KNTC1: variants seen among roughly 807,000 people sequenced by gnomAD.
KNTC1 encodes kinetochore associated 1, also known as kinetochore-associated protein 1.
A neutral mutation model predicts 314.4 loss-of-function variants in KNTC1; 253 were observed. That is an observed-to-expected ratio of 0.80 (90% confidence interval 0.73 to 0.89). The LOEUF is 0.89. KNTC1 is among the 40% of genes least tolerant of loss of function. KNTC1 has a pLI of 0.00. For synonymous variants in KNTC1, 901 were observed against 901.4 expected, an observed-to-expected ratio of 1.00 and a Z score of 0.01; for missense variants, 2,475 against 2,572.9, an observed-to-expected ratio of 0.96 and a Z score of 0.82.
chr12:122,598,219 A>G (rs530445607), intron 44 of KNTC1, among the ~76,000 whole-genome samples: 6 of 152,250 alleles, frequency 3.9e-5, no homozygotes, highest in Admixed American at 2.0e-4. Context: ...CAATTTCCCT[A>G]TAACTCCACT....
chr12:122,536,069 AT>A (rs753893106), intron 3 of KNTC1, among the ~76,000 whole-genome samples: 586 of 118,442 alleles, frequency 4.9e-3, no homozygotes, highest in Middle Eastern at 0.012. Flanking sequence ...AATTTTTTGT[AT>A]TTTTTTTTTT....
chr12:122,596,522 T>C lies in KNTC1; in HGVS notation c.4356-1209T>C, dbSNP rs1871077625. On this transcript the variant is annotated intron_variant, in intron 43 of 63. Transcript: ENST00000333479. ...GTGAATCACGTGCCCAGCCTGATTT[T>C]TTTTATCTTTAAAAAAAAAAAACAA... is the stretch of plus-strand genomic sequence containing the variant. Among the ~76,000 whole-genome samples, 12 of 151,900 alleles carry C rather than the reference T, an allele frequency of 7.9e-5. No individual in the cohort carries two copies. In the South Asian group the frequency reaches 2.5e-3, roughly 32 times the overall value.
chr12:122,589,776 ATTTTTTTTT>A (rs375169727), intron 40 of KNTC1, among the ~76,000 whole-genome samples: 1 of 94,594 alleles, frequency 1.1e-5, no homozygotes, highest in Admixed American at 1.3e-4. Flanking sequence ...GGGCCCCCCA[ATTTTTTTTT>A]TTTTTTTTTT....
intron 8 of KNTC1, 70 bp downstream of exon 8, chr12:122,544,339 G>T: frequency 2.7e-6 from 2 of 748,226 alleles, no homozygotes; most frequent in South Asian, 1.7e-5. Context: ...TTTTGTTTTG[G>T]TTAAATTGCA....
intron 51 of KNTC1, among the ~76,000 whole-genome samples, chr12:122,606,820 C>T (rs1279758981): frequency 6.6e-6 from 1 of 151,826 alleles, no homozygotes; most frequent in Admixed American, 6.6e-5. Flanking sequence ...GAGTAAATTG[C>T]ACGTGGCATG....
In KNTC1 at chr12:122,626,259, G is replaced by C; in HGVS notation, c.*31G>C. 6.6e-7 allele frequency: 1 copy of C among 1,516,880 alleles called. No homozygotes were observed. Among genetic ancestry groups the C allele is most frequent in the Non-Finnish European group, 9.1e-7 (1 of 1,098,720 alleles). The allele number at this position is 1,516,880 out of a possible 1,614,324, so 94.0% of individuals were successfully genotyped here. On this transcript the variant is annotated 3_prime_UTR_variant, in exon 64 of 64. Coordinates refer to ENST00000333479, the MANE Select transcript of KNTC1 (RefSeq NM_014708.6). ...TGAACCTTTTTTTCAAGAAGGACAA[G>C]AATTTTGGAGTCTGCTATTAATGGA...
chr12:122,605,690 C>T lies in KNTC1; in HGVS notation c.5496+275C>T, dbSNP rs7398939. On this transcript the variant is annotated intron_variant, in intron 51 of 63. Transcript: ENST00000333479. Reference sequence around the variant, plus strand: ...CCTCCCGAGTAGCTGGGATTACAGGCGCCTGCTACCACACCCGGCTGATTT... The same window carrying T: ...CCTCCCGAGTAGCTGGGATTACAGGTGCCTGCTACCACACCCGGCTGATTT... 0.31 allele frequency among the ~76,000 whole-genome samples: 46,565 copies of T among 150,924 alleles called. 8,645 individuals carry two copies. The highest frequency in any genetic ancestry group is 0.4 in the Admixed American group (6,005 of 15,186).
intron 5 of KNTC1, among the ~76,000 whole-genome samples, chr12:122,541,387 C>T (rs1315104493): frequency 6.7e-6 from 1 of 149,786 alleles, no homozygotes; most frequent in Non-Finnish European, 1.5e-5. Context: ...CACTCTGTCA[C>T]CCAGGCTGGA....
chr12:122,527,716 T>C (rs1405899438), intron 1 of KNTC1: 2 of 152,334 alleles, frequency 1.3e-5, no homozygotes, highest in Non-Finnish European at 2.9e-5. Flanking sequence ...TCCCTCACTG[T>C]CTTCTGCTTT....
intron 42 of KNTC1, among the ~76,000 whole-genome samples, chr12:122,592,436 TC>T (rs1479061784): frequency 6.6e-6 from 1 of 152,190 alleles, no homozygotes; most frequent in African/African-American, 2.4e-5. Context: ...GGCAGGCAGC[TC>T]CACCTGCAGC....
rs374789933 is a variant in KNTC1, at chr12:122,603,121, C to T, written c.4979C>T (p.Ser1660Leu). ...CTGAAGTTAACACAAGCTAAATCCT[C>T]AACACTGATTAACAAGGAAATAACT... ...KLLKLTQAKS[S>L]TLINKEITKI... The change falls in exon 48 of 64, where the codon TCA becomes TTA. Residue 1660 changes from serine to leucine, a missense_variant. Coordinates refer to ENST00000333479, the MANE Select transcript of KNTC1 (RefSeq NM_014708.6). 53 of 1,613,764 alleles carry T rather than the reference C, an allele frequency of 3.3e-5. No individual in the cohort carries two copies. The East Asian group carries it at 4.9e-4, about 15-fold the overall frequency.
At position 122,547,941 on chromosome 12, in the gene KNTC1, T is replaced by C. The variant is rs746765192; in HGVS notation, c.959T>C (p.Ile320Thr). 1.9e-6 allele frequency: 3 copies of C among 1,552,230 alleles called. No individual in the cohort carries two copies. The African/African-American group carries it at 4.1e-5, about 21-fold the overall frequency. ...TWQGITNLKLIALTASANKKM... is the reference protein window; with the variant it reads ...TWQGITNLKLTALTASANKKM... ...CAAGGAATTACAAATCTCAAATTAATAGCTCTGACAGCTTCAGCTAATAAG... is the reference window on the plus strand; with the variant it reads ...CAAGGAATTACAAATCTCAAATTAACAGCTCTGACAGCTTCAGCTAATAAG... Residue 320 changes from isoleucine (I) to threonine (T), a missense_variant, in exon 12 of 64, where the codon ATA (isoleucine) becomes ACA (threonine). By Grantham distance (89) the Ile-to-Thr change is moderately conservative. Coordinates refer to ENST00000333479, the MANE Select transcript of KNTC1 (RefSeq NM_014708.6).
At chr12:122,564,863 A>G (rs1025068437) in intron 20 of KNTC1, among the ~76,000 whole-genome samples, 9 of 152,180 alleles carry the variant, frequency 5.9e-5, no homozygotes, top group Non-Finnish European at 1.3e-4. Context: ...TTGTTAATTT[A>G]TTCTGATAAA....
intron 34 of KNTC1, 55 bp downstream of exon 34, chr12:122,583,040 G>T (rs7398861): frequency 1.3e-6 from 2 of 1,513,460 alleles, no homozygotes; most frequent in Admixed American, 4.0e-5. Flanking sequence ...GGCTGGGCAC[G>T]GTAACTCATA....
rs1188442301 is a variant in KNTC1, at chr12:122,602,610, T to G, written c.4695T>G (p.Ile1565Met). The G allele has an allele frequency of 6.2e-7, 1 of 1,612,006 alleles. No homozygotes were observed. Among genetic ancestry groups the G allele is most frequent in the South Asian group, 1.1e-5 (1 of 90,780 alleles). ...AACATTTGAAGTCATACAGAAGAAT[T>G]TCTCCTCCCGTGGATCTAGAATATC... ...ILKHLKSYRRISPPVDLEYQY... is the reference protein window; with the variant it reads ...ILKHLKSYRRMSPPVDLEYQY... Residue 1565 changes from isoleucine to methionine, a missense_variant, in exon 46 of 64, where the codon ATT becomes ATG. Coordinates refer to ENST00000333479, the MANE Select transcript of KNTC1 (RefSeq NM_014708.6).
chr12:122,546,363 C>T, intron 9 of KNTC1, 94 bp downstream of exon 9: 2 of 770,324 alleles, frequency 2.6e-6, no homozygotes, highest in South Asian at 1.7e-5. Flanking sequence ...TCATTTTACC[C>T]TACCACTCTT....
intron 2 of KNTC1, among the ~76,000 whole-genome samples, chr12:122,531,243 C>T (rs1010981893): frequency 2.0e-5 from 3 of 151,946 alleles, no homozygotes; most frequent in Non-Finnish European, 2.9e-5. Context: ...TGGAACTGTG[C>T]TGCTTTTTCT....
Position 122,541,261 on chromosome 12 carries a change from T to TTGCCTGCCTGCC in KNTC1, c.446-771_446-760dup, listed in dbSNP as rs201311150. Among the ~76,000 whole-genome samples the TTGCCTGCCTGCC allele has an allele frequency of 3.8e-3, 522 of 137,262 alleles. 30 individuals carry two copies. The highest frequency in any genetic ancestry group is 0.014 in the African/African-American group (491 of 34,218). 90.0% of individuals were successfully genotyped at this position (137,262 alleles called of 152,430 possible). A position where few individuals can be genotyped will look rare whatever the true frequency, so the allele number is the denominator to read the frequency against. On this transcript the variant is annotated intron_variant, in intron 5 of 63. Transcript: ENST00000333479. ...AGTTCCAGATACTGTTTGTTTGTGC[T>TTGCCTGCCTGCC]TGCCTGCCTGCCTGCCTGCCTGCCT...
chr12:122,568,701 T>C (rs1964497564), intron 21 of KNTC1, among the ~76,000 whole-genome samples: 1 of 152,098 alleles, frequency 6.6e-6, no homozygotes, highest in African/African-American at 2.4e-5. Context: ...CCGGGCATGG[T>C]GGCACGTTCC....
Sources: gnomAD v4.1 joint callset for allele counts (sites outside exome capture counted in the v4.1 genomes callset) on GRCh38, gnomAD v4.1.1 for gene constraint, MANE v1.5 for transcripts, NCBI Gene and HGNC (gene_info 2026-07-23, HGNC 2026-07-21) for gene names.